The following CSNK2A1 variants were observed in gnomAD, a reference collection of about 807,000 sequenced individuals.
The protein encoded by CSNK2A1 is casein kinase II subunit alpha.
CSNK2A1 carries 10 observed loss-of-function variants against 62.9 expected under a neutral mutation model. The ratio of observed to expected loss-of-function variants is 0.16; its 90% CI spans 0.10 to 0.27. The LOEUF (loss-of-function observed/expected upper bound fraction) is 0.27, where lower values mean the gene tolerates loss of function less well. CSNK2A1 is among the 10% of genes least tolerant of loss of function. CSNK2A1 has a pLI of 1.00. For synonymous variants in CSNK2A1, 124 were observed against 167.8 expected, an observed-to-expected ratio of 0.74 and a Z score of 2.02; for missense variants, 160 against 492.0, an observed-to-expected ratio of 0.33 and a Z score of 6.38.
chr20:535,205 C>T (rs1402898388), intron 1 of CSNK2A1, among the ~76,000 whole-genome samples: 2 of 151,614 alleles, frequency 1.3e-5, no homozygotes, highest in Non-Finnish European at 2.9e-5. Flanking sequence ...AAAAAATTAA[C>T]AACTACCCAC....
rs145587079 is a variant in CSNK2A1, at chr20:517,099, G to A, written c.-109-8439C>T. 4.6e-5 allele frequency among the ~76,000 whole-genome samples: 7 copies of A among 152,332 alleles called. No individual in the cohort carries two copies. The East Asian group carries it at 1.3e-3, about 29-fold the overall frequency. ...AATCAGGCAACATAAACTGGTAAGAGACAAACAAGACTTGTGGAACTCAGC... is the reference window on the plus strand; with the variant it reads ...AATCAGGCAACATAAACTGGTAAGAAACAAACAAGACTTGTGGAACTCAGC... On this transcript the variant is annotated intron_variant, in intron 2 of 13. Coordinates refer to ENST00000217244, the MANE Select transcript of CSNK2A1 (RefSeq NM_177559.3).
chr20:524,600 G>T (rs1405692705), intron 2 of CSNK2A1, among the ~76,000 whole-genome samples: 1 of 146,250 alleles, frequency 6.8e-6, no homozygotes, highest in South Asian at 2.1e-4. Context: ...TGTGGTGGCG[G>T]GTGCCTATAA....
intron 8 of CSNK2A1, chr20:495,417 T>C (rs537588732): frequency 6.1e-6 from 2 of 326,584 alleles, no homozygotes; most frequent in African/African-American, 2.1e-5. Flanking sequence ...AGAAGGCAAA[T>C]GGAGAGAAAG....
chr20:533,276 G>A (rs1388957680), intron 1 of CSNK2A1, among the ~76,000 whole-genome samples: 1 of 152,140 alleles, frequency 6.6e-6, no homozygotes, highest in Non-Finnish European at 1.5e-5. Context: ...TTAAGGCTTC[G>A]AATTTGGAAC....
rs191192340 is a variant in CSNK2A1, at chr20:480,511, T to C, written c.*3450A>G. On this transcript the variant is annotated 3_prime_UTR_variant, in exon 14 of 14. Transcript: ENST00000217244. ...TACATGCAAGTGGGGAGATACAAAATAATACAACAAAAGTTCAGGTGTTCT... is the reference window on the plus strand; with the variant it reads ...TACATGCAAGTGGGGAGATACAAAACAATACAACAAAAGTTCAGGTGTTCT... The C allele has an allele frequency of 2.7e-3, 405 of 151,278 alleles. 2 individuals are homozygous for C. Among genetic ancestry groups the C allele is most frequent in the Non-Finnish European group, 3.0e-3 (204 of 67,906 alleles). 9.4% of individuals were successfully genotyped at this position (151,278 alleles called of 1,614,324 possible).
intron 3 of CSNK2A1, chr20:506,082 T>G (rs1006291101): frequency 6.6e-6 from 1 of 151,912 alleles, no homozygotes; most frequent in Non-Finnish European, 1.5e-5. Context: ...TTCACCGTGT[T>G]AGCCAGGATG....
At chr20:540,430 G>A (rs960392297) in intron 1 of CSNK2A1, among the ~76,000 whole-genome samples, 3 of 152,210 alleles carry the variant, frequency 2.0e-5, no homozygotes, top group Non-Finnish European at 4.4e-5. Context: ...TTGCTACTAT[G>A]TAACAAGGAT....
chr20:538,656 A>C (rs2019384553), intron 1 of CSNK2A1, among the ~76,000 whole-genome samples: 1 of 152,194 alleles, frequency 6.6e-6, no homozygotes, highest in African/African-American at 2.4e-5. Flanking sequence ...TCAACAGACA[A>C]TGACAGGGAG....
At chr20:528,916 G>C (rs2019153619) in intron 1 of CSNK2A1, among the ~76,000 whole-genome samples, 1 of 152,198 alleles carries the variant, frequency 6.6e-6, no homozygotes, top group Non-Finnish European at 1.5e-5. Context: ...TACAGCAAGG[G>C]ACTGTAAACT....
Position 483,804 on chromosome 20 carries a change from A to T in CSNK2A1, c.*157T>A. 1.2e-5 allele frequency: 5 copies of T among 423,470 alleles called. No individual in the cohort carries two copies. Among genetic ancestry groups the T allele is most frequent in the Non-Finnish European group, 2.0e-5 (5 of 255,290 alleles). The allele number at this position is 423,470 out of a possible 1,614,324, so 26.2% of individuals were successfully genotyped here. On this transcript the variant is annotated 3_prime_UTR_variant, in exon 14 of 14. Coordinates refer to ENST00000217244, the MANE Select transcript of CSNK2A1 (RefSeq NM_177559.3). ...GAAAAAAGAAAATCAGCCTATTATA[A>T]TTTTTTTTTTATGACTGAACTACTA...
Position 543,658 on chromosome 20 carries a change from T to C in CSNK2A1, c.-227+14A>G. On this transcript the variant is annotated intron_variant, in intron 1 of 13. Transcript: ENST00000217244. ...CCACCCGCCAACGACCTCGCCTGGC[T>C]GCTCCCTAGGTACCTGTGGTGGAAG... is the stretch of plus-strand genomic sequence containing the variant. The C allele has an allele frequency of 2.5e-6, 1 of 398,136 alleles. No homozygotes were observed. 24.7% of individuals were successfully genotyped at this position (398,136 alleles called of 1,614,324 possible). A position where few individuals can be genotyped will look rare whatever the true frequency, so the allele number is the denominator to read the frequency against.
intron 2 of CSNK2A1, among the ~76,000 whole-genome samples, chr20:527,382 C>A (rs572991142): frequency 3.3e-5 from 5 of 152,296 alleles, no homozygotes; most frequent in Admixed American, 2.6e-4. Context: ...TTGAACTGCA[C>A]AGATTAACAT....
chr20:491,913 G>A (rs969633798), intron 9 of CSNK2A1, among the ~76,000 whole-genome samples: 3 of 152,164 alleles, frequency 2.0e-5, no homozygotes, highest in African/African-American at 7.2e-5. Flanking sequence ...GACAGAGTGA[G>A]ACTCCGTCTC....
At chr20:533,521 T>C (rs1049439174) in intron 1 of CSNK2A1, among the ~76,000 whole-genome samples, 3 of 152,174 alleles carry the variant, frequency 2.0e-5, no homozygotes, top group African/African-American at 7.2e-5. Context: ...AAGCATCACT[T>C]GAACCCAGGA....
intron 1 of CSNK2A1, chr20:539,445 A>G (rs2019402618): frequency 6.6e-6 from 1 of 152,196 alleles, no homozygotes; most frequent in African/African-American, 2.4e-5. Context: ...CCCTCCAGTA[A>G]CGGCAGGCTG....
intron 1 of CSNK2A1, among the ~76,000 whole-genome samples, chr20:538,863 AAG>A (rs1402257288): frequency 3.9e-5 from 6 of 152,206 alleles, no homozygotes; most frequent in Non-Finnish European, 8.8e-5. Flanking sequence ...TCATTTATCC[AAG>A]ATATGGAAGA....
chr20:527,171 A>G (rs1457163758), intron 2 of CSNK2A1, among the ~76,000 whole-genome samples: 1 of 152,240 alleles, frequency 6.6e-6, no homozygotes, highest in African/African-American at 2.4e-5. Context: ...TGGTAAAAAG[A>G]TAAGACAATA....
chr20:540,849 G>A (rs1046439862), intron 1 of CSNK2A1: 7 of 152,198 alleles, frequency 4.6e-5, no homozygotes, highest in African/African-American at 1.7e-4. Context: ...GTCAGAAGTT[G>A]GGTGGGCTTG....
chr20:472,836 C>G lies in CSNK2A1; in HGVS notation c.*11125G>C, dbSNP rs2017778991. On this transcript the variant is annotated 3_prime_UTR_variant, in exon 14 of 14. Transcript: ENST00000217244. ...TCTTTCTGAAGCTTTTGCAAAACCT[C>G]TCGGCCTTCCAAGAAGGTTTGTGTC... The G allele has an allele frequency of 6.6e-6, 1 of 152,212 alleles. No homozygotes were observed. The highest frequency in any genetic ancestry group is 2.4e-5 in the African/African-American group (1 of 41,458). 9.4% of individuals were successfully genotyped at this position (152,212 alleles called of 1,614,324 possible). A position where few individuals can be genotyped will look rare whatever the true frequency, so the allele number is the denominator to read the frequency against.
Sources: gnomAD v4.1 joint callset for allele counts (sites outside exome capture counted in the v4.1 genomes callset) on GRCh38, gnomAD v4.1.1 for gene constraint, MANE v1.5 for transcripts, NCBI Gene and HGNC (gene_info 2026-07-23, HGNC 2026-07-21) for gene names.